ARHGAP6: variants seen among roughly 807,000 people sequenced by gnomAD.
ARHGAP6 encodes the protein Rho GTPase activating protein 6, also known as rho GTPase-activating protein 6.
A neutral mutation model predicts 55.7 loss-of-function variants in ARHGAP6; 16 were observed. The ratio of observed to expected loss-of-function variants is 0.29; its 90% CI spans 0.19 to 0.44. ARHGAP6 has a LOEUF of 0.44. Ranked by LOEUF, ARHGAP6 falls within the 20% of genes least tolerant of loss-of-function variation. ARHGAP6 has a pLI of 1.00. For missense variants in ARHGAP6, 698 were observed against 808.9 expected, an observed-to-expected ratio of 0.86 and a Z score of 1.66; for synonymous variants, 382 against 360.9, an observed-to-expected ratio of 1.06 and a Z score of -0.66.
intron 1 of ARHGAP6, among the ~76,000 whole-genome samples, chrX:11,328,689 T>G (rs2048527336): frequency 8.9e-6 from 1 of 112,477 alleles, no homozygotes; most frequent in Non-Finnish European, 1.9e-5. Flanking sequence ...TCCTCATAGT[T>G]GTTGAGAATT....
At chrX:11,603,700 A>G (rs2147145111) in intron 1 of ARHGAP6, among the ~76,000 whole-genome samples, 1 of 112,263 alleles carries the variant, frequency 8.9e-6, no homozygotes, top group South Asian at 3.7e-4. Flanking sequence ...AAATAATGCA[A>G]TTTATACTTA....
chrX:11,499,344 T>C (rs2050654217), intron 1 of ARHGAP6, among the ~76,000 whole-genome samples: 1 of 112,336 alleles, frequency 8.9e-6, no homozygotes, highest in Non-Finnish European at 1.9e-5. Flanking sequence ...TGTGAAGATA[T>C]TTGTGAAGTT....
rs1402961356 is a variant in ARHGAP6 at position 11,377,200 on chromosome X, G to A, written c.589-122493C>T. Among the ~76,000 whole-genome samples, 6 of 111,910 alleles carry A rather than the reference G, an allele frequency of 5.4e-5. No individual in the cohort carries two copies. The South Asian group carries it at 1.9e-3, about 35-fold the overall frequency. On this transcript the variant is annotated intron_variant, in intron 1 of 12. Transcript: ENST00000337414. ...AAGGTAAGCTCTTTTTCCAACCAGT[G>A]CCCAGCATAGTGCTTGGCACAAAAT... is the stretch of plus-strand genomic sequence containing the variant.
intron 1 of ARHGAP6, among the ~76,000 whole-genome samples, chrX:11,560,507 C>T (rs181921496): frequency 2.4e-4 from 27 of 112,380 alleles, no homozygotes; most frequent in Non-Finnish European, 4.7e-4. Context: ...GGTTGACACA[C>T]ATTTTCAACA....
intron 1 of ARHGAP6, among the ~76,000 whole-genome samples, chrX:11,590,870 G>GAAAGAAAGA (rs1491382644): frequency 1.0e-4 from 3 of 28,753 alleles, no homozygotes; most frequent in Non-Finnish European, 1.8e-4. Context: ...AGAAAAGAAG[G>GAAAGAAAGA]AAAGAAAGAA....
At chrX:11,495,980 T>C (rs2050618048) in intron 1 of ARHGAP6, among the ~76,000 whole-genome samples, 2 of 112,097 alleles carry the variant, frequency 1.8e-5, no homozygotes, top group South Asian at 7.4e-4. Context: ...CTTAGTCAAA[T>C]GGCCTTTAAG....
At chrX:11,153,245 T>A (rs1009906609) in intron 10 of ARHGAP6, among the ~76,000 whole-genome samples, 1 of 110,338 alleles carries the variant, frequency 9.1e-6, no homozygotes, top group African/African-American at 3.3e-5. Context: ...TTGAGAAGCA[T>A]GAGTGAGTGA....
chrX:11,174,616 CTCTT>C (rs1569241411), intron 8 of ARHGAP6, among the ~76,000 whole-genome samples: 2 of 65,003 alleles, frequency 3.1e-5, no homozygotes, highest in African/African-American at 1.1e-4. Flanking sequence ...TTCTTTCTTT[CTCTT>C]TCTTTTCTTT....
chrX:11,243,673 T>C (rs1213746244), intron 2 of ARHGAP6, among the ~76,000 whole-genome samples: 1 of 112,444 alleles, frequency 8.9e-6, no homozygotes, highest in Non-Finnish European at 1.9e-5. Flanking sequence ...ATGTGCCACA[T>C]AACAATGCTT....
chrX:11,138,225 T>C lies in ARHGAP6; in HGVS notation c.*638A>G, dbSNP rs2045571706. Reference sequence around the variant, plus strand: ...AGCATTTTCCTGAAAACGTATTCAATATCTAAAAGCATTCAGTGATTTTTC... The same window carrying C: ...AGCATTTTCCTGAAAACGTATTCAACATCTAAAAGCATTCAGTGATTTTTC... On this transcript the variant is annotated 3_prime_UTR_variant, in exon 13 of 13. Coordinates refer to ENST00000337414, the MANE Select transcript of ARHGAP6 (RefSeq NM_013427.3). 1 of 112,289 alleles carries C rather than the reference T, an allele frequency of 8.9e-6. No individual in the cohort carries two copies. Among genetic ancestry groups the C allele is most frequent in the African/African-American group, 3.2e-5 (1 of 30,809 alleles). 9.3% of individuals were successfully genotyped at this position (112,289 alleles called of 1,213,427 possible).
chrX:11,574,193 C>G (rs1489026842), intron 1 of ARHGAP6, among the ~76,000 whole-genome samples: 15 of 111,351 alleles, frequency 1.3e-4, no homozygotes, highest in East Asian at 5.7e-4. Flanking sequence ...CCAATCAATA[C>G]AAAAAGAGGG....
At chrX:11,278,078 C>G (rs1399648533) in intron 1 of ARHGAP6, among the ~76,000 whole-genome samples, 2 of 111,647 alleles carry the variant, frequency 1.8e-5, no homozygotes, top group African/African-American at 6.5e-5. Flanking sequence ...GAACTTCTTC[C>G]TGGCTCTACA....
intron 1 of ARHGAP6, among the ~76,000 whole-genome samples, chrX:11,571,623 C>G (rs984479650): frequency 9.2e-6 from 1 of 108,226 alleles, no homozygotes; most frequent in African/African-American, 3.4e-5. Context: ...AAACTTGTAA[C>G]CTCAGCATTT....
chrX:11,200,250 A>G (rs1482625325), intron 2 of ARHGAP6, among the ~76,000 whole-genome samples: 1 of 112,788 alleles, frequency 8.9e-6, no homozygotes, highest in Non-Finnish European at 1.9e-5. Flanking sequence ...AGTGACCTGC[A>G]GGAACAACTG....
At chrX:11,591,306 A>G (rs1179972140) in intron 1 of ARHGAP6, among the ~76,000 whole-genome samples, 3 of 110,220 alleles carry the variant, frequency 2.7e-5, no homozygotes, top group African/African-American at 9.8e-5. Context: ...CAGACAAACA[A>G]TAGAATACAG....
intron 1 of ARHGAP6, among the ~76,000 whole-genome samples, chrX:11,486,404 T>C (rs2050511498): frequency 8.9e-6 from 1 of 112,562 alleles, no homozygotes; most frequent in Non-Finnish European, 1.9e-5. Flanking sequence ...CGATGGATAA[T>C]CTCTGAGTGC....
At position 11,291,244 on chromosome X, in the gene ARHGAP6, C is replaced by T. The variant is rs146287857; in HGVS notation, c.589-36537G>A. 4.9e-3 allele frequency among the ~76,000 whole-genome samples: 544 copies of T among 111,739 alleles called. 3 individuals are homozygous for T. The highest frequency in any genetic ancestry group is 0.016 in the African/African-American group (502 of 30,746). On this transcript the variant is annotated intron_variant, in intron 1 of 12. Transcript: ENST00000337414. ...CAAACAGAGATCCATATTTTAATGT[C>T]CTATGATTCAGGATATGCAGTAGGG...
At chrX:11,635,894 A>C (rs2052413127) in intron 1 of ARHGAP6, among the ~76,000 whole-genome samples, 1 of 112,188 alleles carries the variant, frequency 8.9e-6, no homozygotes, top group South Asian at 3.7e-4. Context: ...GTTGCATTCT[A>C]CTTGGTAAGA....
At chrX:11,233,260 G>A (rs908990814) in intron 2 of ARHGAP6, among the ~76,000 whole-genome samples, 2 of 112,153 alleles carry the variant, frequency 1.8e-5, no homozygotes, top group African/African-American at 6.5e-5. Context: ...GTTCACGTCT[G>A]TTTAGCTCAC....
Sources: gnomAD v4.1 joint callset for allele counts (sites outside exome capture counted in the v4.1 genomes callset) on GRCh38, gnomAD v4.1.1 for gene constraint, MANE v1.5 for transcripts, NCBI Gene and HGNC (gene_info 2026-07-23, HGNC 2026-07-21) for gene names.